The following MYOM2 variants were observed in gnomAD, a reference collection of about 807,000 sequenced individuals.
The protein encoded by MYOM2 is myomesin 2.
In MYOM2, 254 loss-of-function variants were observed where a neutral mutation model predicts 187.6. The ratio of observed to expected loss-of-function variants is 1.35; its 90% CI spans 1.22 to 1.50. The LOEUF is 1.50. Among genes scored for constraint, MYOM2 ranks in the 40% most tolerant of loss-of-function variants. The pLI, the probability that MYOM2 is intolerant of heterozygous loss-of-function variation, is 0.00. For synonymous variants in MYOM2, 981 were observed against 753.8 expected (o/e 1.30, Z -4.94); for missense variants, 2,796 against 1,924.0 (o/e 1.45, Z -8.48).
intron 31 of MYOM2, among the ~76,000 whole-genome samples, chr8:2,125,608 T>C (rs1395967137): frequency 8.9e-6 from 1 of 112,608 alleles, no homozygotes; most frequent in Non-Finnish European, 1.9e-5. Context: ...TTTTTCCTTT[T>C]TTTTTTTTTT....
chr8:2,113,365 G>T (rs1255940070), intron 25 of MYOM2, among the ~76,000 whole-genome samples: 1 of 152,180 alleles, frequency 6.6e-6, no homozygotes. Context: ...ACACCTTTCA[G>T]TATCTGTTAG....
At chr8:2,102,974 G>A (rs1179905066) in intron 21 of MYOM2, among the ~76,000 whole-genome samples, 193 bp downstream of exon 21, 1 of 151,586 alleles carries the variant, frequency 6.6e-6, no homozygotes, top group Non-Finnish European at 1.5e-5. Flanking sequence ...TGTATGTATG[G>A]GTATGTGGAT....
chr8:2,049,733 A>G (rs904178407), intron 1 of MYOM2, among the ~76,000 whole-genome samples: 1 of 152,218 alleles, frequency 6.6e-6, no homozygotes, highest in Non-Finnish European at 1.5e-5. Context: ...GCAGAGATTT[A>G]GGAATACGGT....
intron 31 of MYOM2, among the ~76,000 whole-genome samples, chr8:2,126,828 G>A (rs1420450996): frequency 1.6e-4 from 23 of 146,218 alleles, no homozygotes; most frequent in African/African-American, 5.6e-4. Context: ...GTCTGGGGGA[G>A]CACTGGGAGA....
intron 31 of MYOM2, among the ~76,000 whole-genome samples, chr8:2,128,065 A>G (rs188275264): frequency 1.3e-5 from 2 of 152,152 alleles, no homozygotes; most frequent in Non-Finnish European, 2.9e-5. Context: ...ATGTTATATT[A>G]ACATTCACTT....
At chr8:2,046,082 C>T (rs7010611) in intron 1 of MYOM2, among the ~76,000 whole-genome samples, 14,258 of 152,266 alleles carry the variant, frequency 0.094, 1,785 homozygotes, top group African/African-American at 0.29. Flanking sequence ...GTGGCACAGG[C>T]CAACGCTGCG....
intron 25 of MYOM2, among the ~76,000 whole-genome samples, chr8:2,115,495 C>G (rs7001508): frequency 0.43 from 66,003 of 152,146 alleles, 14,682 homozygotes; most frequent in East Asian, 0.58. Context: ...CCCCTGCACC[C>G]TGATGGACCA....
In MYOM2 at chr8:2,129,206, C is replaced by T. The variant is rs141407596; in HGVS notation, c.3774C>T (p.Asp1258=). ...AGTGTTTCATGAAGTATTTTACAGA[C>T]GAAATGAAAGTGAACTGGTGTCACA... The part of the protein sequence containing the change: ...RLQCFMKYFT[D]EMKVNWCHKD... Residue 1258 remains aspartate, a synonymous_variant, in exon 32 of 37, where the codon GAC becomes GAT. Coordinates refer to ENST00000262113, the MANE Select transcript of MYOM2 (RefSeq NM_003970.4). 8.4e-5 allele frequency: 135 copies of T among 1,610,388 alleles called. No individual in the cohort carries two copies. In the Admixed American group the frequency reaches 1.2e-3, roughly 15 times the overall value.
Position 2,098,893 on chromosome 8 carries a change from A to C in MYOM2, c.2350A>C (p.Lys784Gln). The change falls in exon 19 of 37, where the codon AAA (lysine) becomes CAA (glutamine). Residue 784 changes from lysine to glutamine, a missense_variant. Lys to Gln is a moderately conservative substitution (Grantham distance 53). Transcript: ENST00000262113. ...GLTEGSLYEF[K>Q]IAAVNLAGIG... ...GACGGAAGGCTCACTCTACGAGTTC[A>C]AAATCGCCGCCGTCAACCTGGCCGG... The C allele has an allele frequency of 6.2e-7, 1 of 1,613,286 alleles. No homozygotes were observed. Among genetic ancestry groups the C allele is most frequent in the Non-Finnish European group, 8.5e-7 (1 of 1,179,686 alleles).
At position 2,123,264 on chromosome 8, in the gene MYOM2, A is replaced by T. The variant is rs766370455; in HGVS notation, c.3466A>T (p.Lys1156Ter). Residue 1156 changes from lysine to a stop codon, truncating the protein, a stop_gained, in exon 29 of 37, where the codon AAG becomes TAG. Coordinates refer to ENST00000262113, the MANE Select transcript of MYOM2 (RefSeq NM_003970.4). LOFTEE classifies it high-confidence loss of function. ...VRLVCKVANTKKETVFKWLKD... is the reference protein window; with the variant it reads ...VRLVCKVANT ...TTCTACCTCACAGGTTGCAAACACC[A>T]AGAAAGAAACCGTTTTCAAATGGCT... The T allele has an allele frequency of 6.2e-7, 1 of 1,612,470 alleles. No individual in the cohort carries two copies. The highest frequency in any genetic ancestry group is 8.5e-7 in the Non-Finnish European group (1 of 1,179,544).
At chr8:2,113,650 A>G (rs530840385) in intron 25 of MYOM2, among the ~76,000 whole-genome samples, 1 of 152,112 alleles carries the variant, frequency 6.6e-6, no homozygotes, top group Non-Finnish European at 1.5e-5. Context: ...GTCTCAGTTG[A>G]TCAAGAAGGC....
Position 2,110,715 on chromosome 8 carries a change from G to C in MYOM2, c.3180+1184G>C, listed in dbSNP as rs564519977. ...GTTTTAGGGGAACTGTGGGATGCAG[G>C]AGCCTCTCATGCTCCCGGGCAGCCC... On this transcript the variant is annotated intron_variant, in intron 25 of 36. Coordinates refer to ENST00000262113, the MANE Select transcript of MYOM2 (RefSeq NM_003970.4). Among the ~76,000 whole-genome samples the C allele has an allele frequency of 1.2e-4, 18 of 152,324 alleles. 1 individual carries two copies. The South Asian group carries it at 3.7e-3, about 32-fold the overall frequency.
In MYOM2 at chr8:2,073,326, A is replaced by G. The variant is rs1195940928; in HGVS notation, c.959-13A>G. Reference sequence around the variant, plus strand: ...ATTTTGGATGCAAACCTTCCGTGTTAACGCTCTTTCAGACGTGCTGTTGAA... The same window carrying G: ...ATTTTGGATGCAAACCTTCCGTGTTGACGCTCTTTCAGACGTGCTGTTGAA... On this transcript the variant is annotated splice_polypyrimidine_tract_variant and intron_variant, in intron 9 of 36. Transcript: ENST00000262113. The G allele has an allele frequency of 6.3e-7, 1 of 1,597,230 alleles. No individual in the cohort carries two copies. Among genetic ancestry groups the G allele is most frequent in the Admixed American group, 1.7e-5 (1 of 57,736 alleles).
At chr8:2,079,159 A>G in intron 12 of MYOM2, among the ~76,000 whole-genome samples, 1 of 151,938 alleles carries the variant, frequency 6.6e-6, no homozygotes, top group Non-Finnish European at 1.5e-5. Flanking sequence ...CTCCTCCAGA[A>G]AGCTCTTTGC....
chr8:2,135,820 C>T (rs931422985), intron 32 of MYOM2, among the ~76,000 whole-genome samples: 2 of 152,142 alleles, frequency 1.3e-5, no homozygotes, highest in African/African-American at 4.8e-5. Flanking sequence ...ATAATTAATT[C>T]AGCGACTAGA....
intron 1 of MYOM2, among the ~76,000 whole-genome samples, chr8:2,045,431 G>C (rs534074860): frequency 4.7e-4 from 71 of 152,348 alleles, no homozygotes; most frequent in Non-Finnish European, 5.7e-4. Context: ...ACCCTGCGGC[G>C]TGTGCTTTGG....
chr8:2,134,096 T>C (rs1007956245), intron 32 of MYOM2, among the ~76,000 whole-genome samples: 1 of 152,204 alleles, frequency 6.6e-6, no homozygotes, highest in African/African-American at 2.4e-5. Flanking sequence ...TGAATGATGA[T>C]GTAATACTAT....
chr8:2,069,250 G>A, intron 6 of MYOM2, 28 bp from the exon 7 acceptor site: 1 of 1,598,980 alleles, frequency 6.3e-7, no homozygotes, highest in South Asian at 1.1e-5. Context: ...CAGTCCCGCA[G>A]ACTTTCTCTT....
At chr8:2,071,967 C>G (rs1819238363) in intron 8 of MYOM2, among the ~76,000 whole-genome samples, 1 of 152,226 alleles carries the variant, frequency 6.6e-6, no homozygotes, top group African/African-American at 2.4e-5. Context: ...GCCCCACCTC[C>G]TTACACCGTC....
Sources: gnomAD v4.1 joint callset for allele counts (sites outside exome capture counted in the v4.1 genomes callset) on GRCh38, gnomAD v4.1.1 for gene constraint, MANE v1.5 for transcripts, NCBI Gene and HGNC (gene_info 2026-07-23, HGNC 2026-07-21) for gene names.